Variants in CEP192 observed in about 807,000 individuals in gnomAD.
CEP192 encodes the protein centrosomal protein 192, also known as centrosomal protein of 192 kDa.
In CEP192, 151 loss-of-function variants were observed where a neutral mutation model predicts 271.8. The ratio of observed to expected loss-of-function variants is 0.56; its 90% CI spans 0.49 to 0.64. CEP192 has a LOEUF of 0.64. Among genes scored for constraint, CEP192 ranks in the 30% least tolerant of loss-of-function variants. CEP192 has a pLI of 0.00. For missense variants in CEP192, 2,910 were observed against 3,020.5 expected (o/e 0.96, Z 0.86); for synonymous variants, 995 against 1,076.5 (o/e 0.92, Z 1.48).
intron 11 of CEP192, among the ~76,000 whole-genome samples, chr18:13,036,170 G>GT (rs1040880292): frequency 8.0e-5 from 12 of 149,588 alleles, no homozygotes; most frequent in Middle Eastern, 6.9e-3. Flanking sequence ...TGTTTTGTTT[G>GT]TTTTTTTTAA....
At chr18:13,072,681 A>T in intron 28 of CEP192, 74 bp from the exon 29 acceptor site, 2 of 1,046,412 alleles carry the variant, frequency 1.9e-6, no homozygotes, top group Non-Finnish European at 3.0e-6. Context: ...GGTTGGTTTT[A>T]ATTGGCTTTA....
chr18:13,001,606 T>C, intron 3 of CEP192, 24 bp downstream of exon 3: 2 of 1,534,306 alleles, frequency 1.3e-6, no homozygotes, highest in South Asian at 2.4e-5. Context: ...TTCATTTGCT[T>C]GTACTGTGTT....
chr18:13,024,879 C>G (rs960449574), intron 9 of CEP192, among the ~76,000 whole-genome samples: 1 of 152,152 alleles, frequency 6.6e-6, no homozygotes, highest in Admixed American at 6.5e-5. Context: ...AAGCAATTCT[C>G]CTGCCTCAGC....
intron 28 of CEP192, among the ~76,000 whole-genome samples, chr18:13,072,505 T>C (rs1325972112): frequency 6.6e-6 from 1 of 152,206 alleles, no homozygotes; most frequent in African/African-American, 2.4e-5. Flanking sequence ...ATAGTATTAA[T>C]AATAAGGTCA....
chr18:13,049,762 T>C lies in CEP192; in HGVS notation c.2891-3T>C, dbSNP rs1198125098. The stretch of plus-strand genomic sequence containing the variant: ...CTTACTGGAAAATACCCCTTTCTGA[T>C]AGATTTGAAAAATACCTCTCCTGAG... On this transcript the variant is annotated splice_polypyrimidine_tract_variant and splice_region_variant and intron_variant, in intron 16 of 44. Coordinates refer to ENST00000506447, the MANE Select transcript of CEP192 (RefSeq NM_032142.4). 6.2e-7 allele frequency: 1 copy of C among 1,609,144 alleles called. No individual in the cohort carries two copies. The highest frequency in any genetic ancestry group is 8.5e-7 in the Non-Finnish European group (1 of 1,178,440).
At chr18:13,051,754 G>A (rs535070028) in intron 17 of CEP192, among the ~76,000 whole-genome samples, 4 of 152,142 alleles carry the variant, frequency 2.6e-5, no homozygotes, top group Admixed American at 2.0e-4. Context: ...CGTGTTAAAC[G>A]GGATGGTCTT....
intron 8 of CEP192, 105 bp from the exon 9 acceptor site, chr18:13,018,977 A>T (rs533521413): frequency 9.2e-7 from 1 of 1,089,200 alleles, no homozygotes; most frequent in Non-Finnish European, 1.3e-6. Flanking sequence ...TAGGAGTGCT[A>T]AGTATTAGGG....
rs959332976 is a variant in CEP192, at chr18:13,087,411, A to G, written c.5878-120A>G. The stretch of plus-strand genomic sequence containing the variant: ...TAGAAGTACTTATGTGATCTTGGAA[A>G]TGCCATGCGTATGCACTTGTGTCTG... On this transcript the variant is annotated intron_variant, in intron 31 of 44. Coordinates refer to ENST00000506447, the MANE Select transcript of CEP192 (RefSeq NM_032142.4). 14 of 974,900 alleles carry G rather than the reference A, an allele frequency of 1.4e-5. No homozygotes were observed. The African/African-American group carries it at 1.8e-4, about 13-fold the overall frequency. The allele number at this position is 974,900 out of a possible 1,614,324, so 60.4% of individuals were successfully genotyped here.
chr18:13,121,054 G>A (rs926342583), intron 44 of CEP192, among the ~76,000 whole-genome samples: 21 of 152,258 alleles, frequency 1.4e-4, no homozygotes, highest in Admixed American at 1.0e-3. Context: ...TGAAGTCATG[G>A]GGACTTACGG....
chr18:13,049,078 C>CATG lies in CEP192; in HGVS notation c.2287_2288insATG (p.Arg763delinsHisGly). ...GAAACAAAAGGACTATTCTCATGTG[C>CATG]GTCATTTCTTACCTAATGATTTAGA... On this transcript the variant is annotated protein_altering_variant, in exon 16 of 45. Transcript: ENST00000506447. The CATG allele has an allele frequency of 6.2e-7, 1 of 1,613,736 alleles. No individual in the cohort carries two copies. The highest frequency in any genetic ancestry group is 1.3e-5 in the African/African-American group (1 of 74,978).
chr18:13,067,773 C>T, intron 21 of CEP192, 58 bp from the exon 22 acceptor site: 2 of 1,439,532 alleles, frequency 1.4e-6, no homozygotes, highest in South Asian at 1.2e-5. Flanking sequence ...TATGAACATA[C>T]ATGTTGTGCT....
Position 13,113,036 on chromosome 18 carries a change from C to T in CEP192, c.7048-550C>T, listed in dbSNP as rs144983510. Among the ~76,000 whole-genome samples the T allele has an allele frequency of 9.2e-3, 1,401 of 152,356 alleles. 15 individuals carry two copies. The highest frequency in any genetic ancestry group is 0.017 in the Middle Eastern group (5 of 294). The stretch of plus-strand genomic sequence containing the variant: ...TTGTACACATGCAGGGTGTTTATCA[C>T]TGAGCTATGTGCCCAGGGTCACTGG... On this transcript the variant is annotated intron_variant, in intron 40 of 44. Coordinates refer to ENST00000506447, the MANE Select transcript of CEP192 (RefSeq NM_032142.4).
intron 18 of CEP192, among the ~76,000 whole-genome samples, chr18:13,055,235 C>A (rs889641011): frequency 3.3e-5 from 5 of 151,358 alleles, no homozygotes; most frequent in Admixed American, 1.3e-4. Context: ...GCCGAGATTG[C>A]GCCATTGCAC....
intron 9 of CEP192, among the ~76,000 whole-genome samples, chr18:13,025,597 A>T (rs543970776): frequency 6.6e-6 from 1 of 152,216 alleles, no homozygotes; most frequent in Non-Finnish European, 1.5e-5. Flanking sequence ...TTTTTGTCCC[A>T]CTTTTTTTAG....
chr18:13,089,815 A>G (rs1045797430), intron 33 of CEP192, among the ~76,000 whole-genome samples: 1 of 152,242 alleles, frequency 6.6e-6, no homozygotes, highest in African/African-American at 2.4e-5. Flanking sequence ...TGTTATAAGT[A>G]TTCGATGAAA....
At chr18:13,042,426 C>A in intron 15 of CEP192, 92 bp downstream of exon 15, 1 of 1,272,720 alleles carries the variant, frequency 7.9e-7, no homozygotes, top group Non-Finnish European at 1.1e-6. Flanking sequence ...AAATTTATGC[C>A]GTTTAACATC....
At chr18:13,061,179 C>T (rs1276577859) in intron 21 of CEP192, among the ~76,000 whole-genome samples, 1 of 152,080 alleles carries the variant, frequency 6.6e-6, no homozygotes, top group African/African-American at 2.4e-5. Flanking sequence ...AAAAATTAGC[C>T]AGGTGTGGTG....
intron 24 of CEP192, 137 bp downstream of exon 24, chr18:13,068,559 C>A: frequency 3.8e-6 from 3 of 797,330 alleles, no homozygotes; most frequent in South Asian, 1.8e-5. Flanking sequence ...GAAATTGAGG[C>A]AGATGGCATG....
Position 12,999,309 on chromosome 18 carries a change from A to G in CEP192, c.-4-112A>G, listed in dbSNP as rs538926286. On this transcript the variant is annotated intron_variant, in intron 1 of 44. Transcript: ENST00000506447. ...TGCCTATTTCCCCCTTACTAATGCT[A>G]AAAAAAGGATTTTTTTCCTAAGATT... The G allele has an allele frequency of 2.7e-4, 227 of 846,400 alleles. No homozygotes were observed. In the African/African-American group the frequency reaches 3.4e-3, roughly 13 times the overall value. The allele number at this position is 846,400 out of a possible 1,614,324, so 52.4% of individuals were successfully genotyped here. A position where few individuals can be genotyped will look rare whatever the true frequency, so the allele number is the denominator to read the frequency against.
Sources: gnomAD v4.1 joint callset for allele counts (sites outside exome capture counted in the v4.1 genomes callset) on GRCh38, gnomAD v4.1.1 for gene constraint, MANE v1.5 for transcripts, NCBI Gene and HGNC (gene_info 2026-07-23, HGNC 2026-07-21) for gene names.